The following SLC2A9 variants were observed in gnomAD, a reference collection of about 807,000 sequenced individuals.
The protein encoded by SLC2A9 is solute carrier family 2 member 9.
A neutral mutation model predicts 50.6 loss-of-function variants in SLC2A9; 39 were observed. The observed-to-expected ratio is 0.77, with a 90% CI of 0.60 to 1.01. The LOEUF (loss-of-function observed/expected upper bound fraction) is 1.01, where lower values mean the gene tolerates loss of function less well. SLC2A9 is among the 50% of genes least tolerant of loss of function. The probability of loss-of-function intolerance (pLI) is 0.00; values close to 1 mark genes in which losing one functional copy is unlikely to be tolerated. For missense variants in SLC2A9, 686 were observed against 677.6 expected (o/e 1.01, Z -0.14); for synonymous variants, 324 against 276.9 (o/e 1.17, Z -1.69).
chr4:9,893,343 T>C (rs1409399475), intron 8 of SLC2A9, among the ~76,000 whole-genome samples: 1 of 151,962 alleles, frequency 6.6e-6, no homozygotes, highest in Non-Finnish European at 1.5e-5. Flanking sequence ...CGTAAGTGTT[T>C]GCTGAGGGAG....
intron 7 of SLC2A9, among the ~76,000 whole-genome samples, chr4:9,911,014 G>C (rs992706618): frequency 6.6e-6 from 1 of 151,948 alleles, no homozygotes; most frequent in African/African-American, 2.4e-5. Flanking sequence ...GGGGGGGCTA[G>C]AGGAGGGATG....
At chr4:10,038,621 A>G (rs756935348) in intron 1 of SLC2A9, among the ~76,000 whole-genome samples, 3 of 152,162 alleles carry the variant, frequency 2.0e-5, no homozygotes, top group Non-Finnish European at 4.4e-5. Flanking sequence ...ATTTCAATCA[A>G]TGGAACTACT....
At chr4:9,793,488 T>C (rs534650559) in intron 3 of SLC2A9, among the ~76,000 whole-genome samples, 9 of 152,354 alleles carry the variant, frequency 5.9e-5, no homozygotes, top group African/African-American at 2.2e-4. Flanking sequence ...TAAAAGAAGT[T>C]GATGACATTT....
At chr4:9,841,040 C>T (rs1245353701) in intron 10 of SLC2A9, among the ~76,000 whole-genome samples, 4 of 152,168 alleles carry the variant, frequency 2.6e-5, no homozygotes, top group South Asian at 4.1e-4. Context: ...CCTACAAGTC[C>T]CTCCCCTGAC....
At chr4:9,879,232 A>G in intron 10 of SLC2A9, 9 of 985,408 alleles carry the variant, frequency 9.1e-6, no homozygotes, top group Non-Finnish European at 1.1e-5. Flanking sequence ...TGTTTCTAAG[A>G]AAGTCTCAAG....
chr4:9,970,041 G>A (rs1753640164), intron 5 of SLC2A9, among the ~76,000 whole-genome samples: 1 of 152,180 alleles, frequency 6.6e-6, no homozygotes, highest in South Asian at 2.1e-4. Context: ...AAGAAGTGGT[G>A]GCAGCAGCCT....
At chr4:9,813,462 G>C (rs1036544206) in intron 3 of SLC2A9, among the ~76,000 whole-genome samples, 3 of 152,132 alleles carry the variant, frequency 2.0e-5, no homozygotes, top group Non-Finnish European at 2.9e-5. Flanking sequence ...ATCTGCACCT[G>C]CCCTGGTCAC....
downstream of SLC2A9, among the ~76,000 whole-genome samples, chr4:9,776,903 G>T (rs533770800): frequency 9.9e-5 from 15 of 152,086 alleles, no homozygotes; most frequent in African/African-American, 3.4e-4. Flanking sequence ...TCTCCCTCCC[G>T]TGGCCACTAT....
At chr4:9,906,375 T>C (rs1423347002) in intron 8 of SLC2A9, among the ~76,000 whole-genome samples, 1 of 152,196 alleles carries the variant, frequency 6.6e-6, no homozygotes, top group African/African-American at 2.4e-5. Flanking sequence ...GATAAATCGT[T>C]CAGCACTAGT....
chr4:9,850,974 C>T (rs368990392), intron 10 of SLC2A9, among the ~76,000 whole-genome samples: 1 of 151,676 alleles, frequency 6.6e-6, no homozygotes, highest in South Asian at 2.1e-4. Context: ...GGCAACCCCA[C>T]CCCCACCAGT....
In SLC2A9 at chr4:9,960,838, A is replaced by G. The variant is rs1185299111; in HGVS notation, c.682-18793T>C. 2.0e-5 allele frequency among the ~76,000 whole-genome samples: 3 copies of G among 152,092 alleles called. No homozygotes were observed. In the East Asian group the frequency reaches 5.8e-4, roughly 29 times the overall value. ...AATGGGGGCAGTTGAATGGCACTAGAGGATAGAATGGGTTAAAATTGGAGA... is the reference window on the plus strand; with the variant it reads ...AATGGGGGCAGTTGAATGGCACTAGGGGATAGAATGGGTTAAAATTGGAGA... On this transcript the variant is annotated intron_variant, in intron 5 of 11. Coordinates refer to ENST00000264784, the MANE Select transcript of SLC2A9 (RefSeq NM_020041.3).
At chr4:10,023,645 G>A (rs933567985), upstream of SLC2A9, among the ~76,000 whole-genome samples, 1 of 152,224 alleles carries the variant, frequency 6.6e-6, no homozygotes, top group African/African-American at 2.4e-5. Flanking sequence ...GATCCAGATG[G>A]TAGCTAACCA....
intron 3 of SLC2A9, among the ~76,000 whole-genome samples, chr4:9,799,493 G>A (rs905174396): frequency 5.3e-5 from 8 of 151,840 alleles, no homozygotes; most frequent in African/African-American, 1.9e-4. Flanking sequence ...GAATGGCTCT[G>A]CCCAAATGCC....
chr4:9,777,114 A>G (rs559315309), downstream of SLC2A9, among the ~76,000 whole-genome samples: 11 of 152,204 alleles, frequency 7.2e-5, no homozygotes, highest in Admixed American at 3.9e-4. Context: ...TTATTTTGAA[A>G]TTGTTTATTT....
At chr4:9,972,837 A>G (rs1347883127) in intron 5 of SLC2A9, among the ~76,000 whole-genome samples, 1 of 152,210 alleles carries the variant, frequency 6.6e-6, no homozygotes, top group Non-Finnish European at 1.5e-5. Context: ...GCCTACCTCA[A>G]AAAGTTAGAA....
intron 10 of SLC2A9, among the ~76,000 whole-genome samples, chr4:9,845,384 A>G (rs894063743): frequency 8.6e-5 from 13 of 150,334 alleles, no homozygotes; most frequent in Admixed American, 3.3e-4. Flanking sequence ...TCCTTAATTC[A>G]TATTTATTAA....
intron 2 of SLC2A9, among the ~76,000 whole-genome samples, chr4:10,004,754 G>C (rs1365213563): frequency 6.6e-6 from 1 of 152,214 alleles, no homozygotes; most frequent in Non-Finnish European, 1.5e-5. Context: ...ACTGTGACCT[G>C]AGGCTTCAAG....
intron 3 of SLC2A9, among the ~76,000 whole-genome samples, chr4:9,809,964 A>G (rs1034523866): frequency 6.6e-6 from 1 of 152,014 alleles, no homozygotes; most frequent in African/African-American, 2.4e-5. Context: ...GGGCACCTGA[A>G]GCCCACGAGT....
intron 10 of SLC2A9, among the ~76,000 whole-genome samples, chr4:9,850,160 C>T (rs569965994): frequency 3.4e-4 from 52 of 152,198 alleles, no homozygotes; most frequent in African/African-American, 1.2e-3. Flanking sequence ...TGGCCCCCAG[C>T]GACTCCTGGG....
Sources: gnomAD v4.1 joint callset for allele counts (sites outside exome capture counted in the v4.1 genomes callset) on GRCh38, gnomAD v4.1.1 for gene constraint, MANE v1.5 for transcripts, NCBI Gene and HGNC (gene_info 2026-07-23, HGNC 2026-07-21) for gene names.